The following PHF19 variants were observed in gnomAD, a reference collection of about 807,000 sequenced individuals.
PHF19 encodes polycomb like 3.
In PHF19, 21 loss-of-function variants were observed where a neutral mutation model predicts 79.8. The ratio of observed to expected loss-of-function variants is 0.26; its 90% confidence interval spans 0.19 to 0.38. PHF19 has a LOEUF of 0.38. Ranked by LOEUF, PHF19 falls within the 10% of genes least tolerant of loss-of-function variation. The pLI, the probability that PHF19 is intolerant of heterozygous loss-of-function variation, is 1.00. For missense variants in PHF19, 445 were observed against 744.2 expected (o/e 0.60, Z 4.68); for synonymous variants, 273 against 296.3 (o/e 0.92, Z 0.81).
At chr9:120,884,667 G>T (rs1051303388) in intron 1 of PHF19, among the ~76,000 whole-genome samples, 5 of 152,072 alleles carry the variant, frequency 3.3e-5, no homozygotes, top group Admixed American at 2.6e-4. Flanking sequence ...CAGCACTTTG[G>T]GAGGCTGAGG....
chr9:120,901,571 C>G, the PHF19 span, among the ~76,000 whole-genome samples: 1 of 152,162 alleles, frequency 6.6e-6, no homozygotes, highest in African/African-American at 2.4e-5. Context: ...GCCTTAGTTT[C>G]CTAATCTGTA....
chr9:120,864,217 T>C (rs976829329), intron 9 of PHF19, 101 bp from the exon 10 acceptor site: 10 of 963,146 alleles, frequency 1.0e-5, no homozygotes, highest in Non-Finnish European at 1.5e-5. Flanking sequence ...TGCTTCTGAG[T>C]CCTTCAGGTG....
intron 3 of PHF19, among the ~76,000 whole-genome samples, chr9:120,872,510 A>C (rs1271053575): frequency 6.6e-6 from 1 of 152,110 alleles, no homozygotes; most frequent in African/African-American, 2.4e-5. Context: ...ATTGCTTTGG[A>C]TATTTATATA....
At position 120,874,643 on chromosome 9, in the gene PHF19, G is replaced by C; in HGVS notation, c.99C>G (p.Phe33Leu). The part of the protein sequence containing the change: ...KGALAKVKNN[F>L]KDLMSKLTEG... ...CCGTCAGTTTGGACATCAAGTCTTT[G>C]AAGTTGTTCTTGACCTTCGCCAGGG... The change falls in exon 2 of 15, where the codon TTC becomes TTG. Residue 33 changes from phenylalanine to leucine, a missense_variant. Physicochemically the swap from Phe to Leu is conservative, Grantham distance 22. Coordinates refer to ENST00000373896, the MANE Select transcript of PHF19 (RefSeq NM_015651.3). The surrounding 1 kb of genome is among the most constrained non-coding windows in gnomAD (Gnocchi z 4.5). 6.2e-7 allele frequency: 1 copy of C among 1,613,922 alleles called. No individual in the cohort carries two copies. Among genetic ancestry groups the C allele is most frequent in the Non-Finnish European group, 8.5e-7 (1 of 1,179,770 alleles).
chr9:120,888,092 C>T (rs1275293858), intron 1 of PHF19, among the ~76,000 whole-genome samples: 1 of 152,226 alleles, frequency 6.6e-6, no homozygotes, highest in Non-Finnish European at 1.5e-5. Context: ...CCTGCCTCAG[C>T]CTCCCAAGTA....
At chr9:120,881,944 T>C (rs546198960), upstream of PHF19, among the ~76,000 whole-genome samples, 1 of 152,326 alleles carries the variant, frequency 6.6e-6, no homozygotes, top group South Asian at 2.1e-4. Context: ...GTATTTTTAG[T>C]AGAGATTGGG....
Position 120,891,943 on chromosome 9 carries a change from C to T in PHF19, c.42+2845G>A, listed in dbSNP as rs545405991. ...CCTAAAACAGGCTGCAAACCCCTGA[C>T]GCCTTGCAGAGCCAGGTAGGAAAGT... is the stretch of plus-strand genomic sequence containing the variant. On this transcript the variant is annotated intron_variant, in intron 1 of 14. Coordinates refer to the PHF19 transcript ENST00000616568. The surrounding 1 kb of genome is among the most constrained non-coding windows in gnomAD (Gnocchi z 4.3). Among the ~76,000 whole-genome samples the T allele has an allele frequency of 2.0e-4, 31 of 152,266 alleles. No homozygotes were observed. The highest frequency in any genetic ancestry group is 3.1e-4 in the African/African-American group (13 of 41,546).
chr9:120,872,381 T>C (rs938939748), intron 3 of PHF19, among the ~76,000 whole-genome samples: 6 of 152,346 alleles, frequency 3.9e-5, no homozygotes, highest in African/African-American at 1.2e-4. Context: ...TCACTGTGGG[T>C]ACCTCCAAGG....
At chr9:120,883,069 T>TA (rs751243209) in intron 1 of PHF19, among the ~76,000 whole-genome samples, 34 of 152,086 alleles carry the variant, frequency 2.2e-4, no homozygotes, top group African/African-American at 8.2e-4. Context: ...ACACCAGTTT[T>TA]AAAAAAAATG....
intron 9 of PHF19, 121 bp from the exon 10 acceptor site, chr9:120,864,237 G>T: frequency 1.3e-6 from 1 of 778,164 alleles, no homozygotes; most frequent in Non-Finnish European, 2.2e-6. Flanking sequence ...GAGGACCACT[G>T]ACTCACTCCA....
chr9:120,890,273 CTT>C (rs10658749), intron 1 of PHF19, among the ~76,000 whole-genome samples: 43 of 115,390 alleles, frequency 3.7e-4, no homozygotes, highest in African/African-American at 9.7e-4. Context: ...AATGAGCCTG[CTT>C]TTTTTTTTTT....
At chr9:120,898,953 C>G (rs999635963), upstream of PHF19, among the ~76,000 whole-genome samples, 4 of 152,148 alleles carry the variant, frequency 2.6e-5, no homozygotes, top group Non-Finnish European at 5.9e-5. Flanking sequence ...AATCCCAGCA[C>G]TTTGGGAGGC....
At chr9:120,889,745 GA>G (rs1289586155) in intron 1 of PHF19, among the ~76,000 whole-genome samples, 1 of 147,726 alleles carries the variant, frequency 6.8e-6, no homozygotes, top group Non-Finnish European at 1.5e-5. Context: ...ACCCTGTCTT[GA>G]AAAAAAGAAA....
At chr9:120,901,161 G>A in the PHF19 span, among the ~76,000 whole-genome samples, 1 of 152,014 alleles carries the variant, frequency 6.6e-6, no homozygotes, top group Non-Finnish European at 1.5e-5. Flanking sequence ...AGAAAGGAGA[G>A]GAAGGAAAGA....
intron 9 of PHF19, among the ~76,000 whole-genome samples, chr9:120,864,511 AG>A (rs1165101365): frequency 1.3e-5 from 2 of 152,212 alleles, no homozygotes; most frequent in African/African-American, 4.8e-5. Flanking sequence ...GAAGGAAACA[AG>A]TAAACTATGG....
At chr9:120,879,720 C>A (rs2046151278), upstream of PHF19, among the ~76,000 whole-genome samples, 1 of 152,146 alleles carries the variant, frequency 6.6e-6, no homozygotes, top group South Asian at 2.1e-4. Context: ...GGAAAGAGAA[C>A]AAGTTTCCCG....
upstream of PHF19, among the ~76,000 whole-genome samples, chr9:120,898,941 G>C (rs1334231507): frequency 6.6e-6 from 1 of 152,204 alleles, no homozygotes; most frequent in African/African-American, 2.4e-5. Flanking sequence ...GCTCATGCCT[G>C]TAATCCCAGC....
chr9:120,873,760 C>T (rs1167411652), intron 3 of PHF19, among the ~76,000 whole-genome samples: 1 of 152,224 alleles, frequency 6.6e-6, no homozygotes, highest in African/African-American at 2.4e-5. Flanking sequence ...CATCCTCCCT[C>T]CTGGGGTATG....
upstream of PHF19, among the ~76,000 whole-genome samples, chr9:120,878,543 C>CT (rs1217457927): frequency 6.6e-6 from 1 of 152,240 alleles, no homozygotes; most frequent in Non-Finnish European, 1.5e-5. Context: ...TCCCTGTTCA[C>CT]TGTCAGTTGC....
Sources: allele counts gnomAD v4.1 joint callset (sites outside exome capture counted in the v4.1 genomes callset), GRCh38; gene constraint gnomAD v4.1.1; non-coding constraint Gnocchi (gnomAD v3.1); transcripts MANE v1.5; gene names NCBI Gene and HGNC (gene_info 2026-07-23, HGNC 2026-07-21).